Variants in STPG4 observed in about 807,000 individuals in gnomAD.
STPG4 encodes protein STPG4.
In STPG4, 41 loss-of-function variants were observed where a neutral mutation model predicts 31.5. That is an observed-to-expected ratio of 1.30 (90% CI 1.01 to 1.69). The LOEUF is 1.69. Among genes scored for constraint, STPG4 ranks in the 40% most tolerant of loss-of-function variants. The probability of loss-of-function intolerance (pLI) is 0.00; values close to 1 mark genes in which losing one functional copy is unlikely to be tolerated. For missense variants in STPG4, 375 were observed against 293.4 expected, an observed-to-expected ratio of 1.28 and a Z score of -2.03; for synonymous variants, 141 against 103.0, an observed-to-expected ratio of 1.37 and a Z score of -2.24.
chr2:47,123,904 G>T (rs550417774), intron 5 of STPG4, among the ~76,000 whole-genome samples: 21 of 151,958 alleles, frequency 1.4e-4, no homozygotes, highest in African/African-American at 5.1e-4. Flanking sequence ...GGATAAATGG[G>T]GTATCCATCA....
intron 3 of STPG4, among the ~76,000 whole-genome samples, chr2:47,136,666 G>C (rs1446432257): frequency 6.6e-6 from 1 of 152,182 alleles, no homozygotes; most frequent in Non-Finnish European, 1.5e-5. Context: ...TGAGAAGGAA[G>C]AGAAGTAAAT....
At chr2:47,098,567 A>G (rs1209505000) in intron 5 of STPG4, among the ~76,000 whole-genome samples, 1 of 152,196 alleles carries the variant, frequency 6.6e-6, no homozygotes, top group Non-Finnish European at 1.5e-5. Context: ...ACTCCCATTT[A>G]TCTTAGCACA....
intron 5 of STPG4, among the ~76,000 whole-genome samples, chr2:47,106,463 A>C (rs375417275): frequency 1.2e-4 from 19 of 152,012 alleles, no homozygotes; most frequent in Middle Eastern, 6.8e-3. Flanking sequence ...TCATTATCCT[A>C]CTACCACACA....
intron 5 of STPG4, among the ~76,000 whole-genome samples, chr2:47,111,572 C>T (rs767881511): frequency 6.6e-6 from 1 of 152,112 alleles, no homozygotes; most frequent in Non-Finnish European, 1.5e-5. Context: ...GAGTGAAGCA[C>T]ACATTTTGGT....
At chr2:47,144,977 G>T (rs144212368) in intron 3 of STPG4, among the ~76,000 whole-genome samples, 2 of 152,194 alleles carry the variant, frequency 1.3e-5, no homozygotes, top group Non-Finnish European at 2.9e-5. Context: ...TGATCCGCCC[G>T]CCTTGGCCTC....
intron 5 of STPG4, among the ~76,000 whole-genome samples, chr2:47,110,335 T>C (rs1057092820): frequency 6.6e-6 from 1 of 152,258 alleles, no homozygotes; most frequent in African/African-American, 2.4e-5. Context: ...GGCTCACGCC[T>C]GTAATCCCAG....
intron 5 of STPG4, among the ~76,000 whole-genome samples, chr2:47,116,906 G>A (rs1287818111): frequency 6.6e-6 from 1 of 152,174 alleles, no homozygotes; most frequent in Non-Finnish European, 1.5e-5. Flanking sequence ...GCTGCAGTGA[G>A]TGAGAAAGAT....
chr2:47,106,097 GAGAGAA>G (rs1170394903), intron 5 of STPG4, among the ~76,000 whole-genome samples: 3 of 151,930 alleles, frequency 2.0e-5, no homozygotes, highest in Non-Finnish European at 4.4e-5. Flanking sequence ...GAGGGAGTCA[GAGAGAA>G]AGAGAAAGAG....
At chr2:47,105,947 TGG>T (rs1685901589) in intron 5 of STPG4, among the ~76,000 whole-genome samples, 1 of 150,872 alleles carries the variant, frequency 6.6e-6, no homozygotes, top group Non-Finnish European at 1.5e-5. Flanking sequence ...TACAAAGAGG[TGG>T]GAATCTTACA....
intron 5 of STPG4, among the ~76,000 whole-genome samples, chr2:47,113,132 T>C (rs1256678098): frequency 6.6e-6 from 1 of 152,186 alleles, no homozygotes; most frequent in Non-Finnish European, 1.5e-5. Context: ...TCAACACATT[T>C]TTTCAGCACT....
At chr2:47,150,635 C>T (rs1686915571) in intron 3 of STPG4, among the ~76,000 whole-genome samples, 1 of 146,184 alleles carries the variant, frequency 6.8e-6, no homozygotes, top group Non-Finnish European at 1.5e-5. Context: ...CCTGCCCTGG[C>T]TTCCCAAGTA....
intron 5 of STPG4, among the ~76,000 whole-genome samples, chr2:47,107,627 A>G (rs1024136333): frequency 7.2e-5 from 11 of 151,904 alleles, no homozygotes; most frequent in African/African-American, 2.4e-4. Flanking sequence ...GCTCCATGGC[A>G]CCCAGTCCCA....
intron 5 of STPG4, among the ~76,000 whole-genome samples, chr2:47,117,928 A>AT (rs1387475585): frequency 1.0e-3 from 56 of 54,774 alleles, no homozygotes; most frequent in African/African-American, 1.6e-3. Flanking sequence ...ATATATATAT[A>AT]TATTTTTTTT....
chr2:47,143,325 T>C (rs962163899), intron 3 of STPG4, among the ~76,000 whole-genome samples: 2 of 152,170 alleles, frequency 1.3e-5, no homozygotes, highest in African/African-American at 4.8e-5. Flanking sequence ...TTGCCAATAT[T>C]GGGTATCAAT....
In STPG4 at chr2:47,129,921, A is replaced by G. The variant is rs777775857; in HGVS notation, c.519+20T>C. The G allele has an allele frequency of 1.2e-6, 2 of 1,608,594 alleles. No individual in the cohort carries two copies. The highest frequency in any genetic ancestry group is 1.7e-6 in the Non-Finnish European group (2 of 1,178,736). ...TAAACATCAAATTCATCATGAGTTAACTGTCTACATTATACTTACGGGAAT... is the reference window on the plus strand; with the variant it reads ...TAAACATCAAATTCATCATGAGTTAGCTGTCTACATTATACTTACGGGAAT... On this transcript the variant is annotated intron_variant, in intron 5 of 6. Transcript: ENST00000445927.
chr2:47,150,384 G>C lies in STPG4; in HGVS notation c.399+874C>G, dbSNP rs72877055. Among the ~76,000 whole-genome samples, 230 of 152,174 alleles carry C rather than the reference G, an allele frequency of 1.5e-3. 1 individual carries two copies. Among genetic ancestry groups the C allele is most frequent in the African/African-American group, 5.3e-3 (222 of 41,508 alleles). ...TCTGGGTCAGGAACATCTTCCTTCC[G>C]CAGAGCCTAGTGCAGGGCTGTGAGC... On this transcript the variant is annotated intron_variant, in intron 3 of 6. Transcript: ENST00000445927.
intron 5 of STPG4, among the ~76,000 whole-genome samples, chr2:47,116,407 C>T (rs749371248): frequency 1.9e-4 from 29 of 152,182 alleles, no homozygotes; most frequent in Admixed American, 1.6e-3. Flanking sequence ...CAAAATTGCT[C>T]ATCTTATAAG....
At chr2:47,095,558 T>C (rs1299019413) in intron 5 of STPG4, among the ~76,000 whole-genome samples, 2 of 152,150 alleles carry the variant, frequency 1.3e-5, no homozygotes, top group South Asian at 2.1e-4. Flanking sequence ...AAATACCCAG[T>C]CTGTGGTACT....
intron 5 of STPG4, among the ~76,000 whole-genome samples, chr2:47,122,353 C>G (rs909152397): frequency 6.6e-6 from 1 of 152,014 alleles, no homozygotes; most frequent in Admixed American, 6.6e-5. Context: ...ATAATCAAAT[C>G]TAGTATTTAT....
Sources: allele counts gnomAD v4.1 joint callset (sites outside exome capture counted in the v4.1 genomes callset), GRCh38; gene constraint gnomAD v4.1.1; transcripts MANE v1.5; gene names NCBI Gene and HGNC (gene_info 2026-07-23, HGNC 2026-07-21).